CRACD: variants seen among roughly 807,000 people sequenced by gnomAD.
The protein encoded by CRACD is capping protein inhibiting regulator of actin dynamics.
CRACD carries 56 observed loss-of-function variants against 106.8 expected under a neutral mutation model. The ratio of observed to expected loss-of-function variants is 0.52; its 90% CI spans 0.42 to 0.66. CRACD has a LOEUF of 0.66. CRACD is among the 30% of genes least tolerant of loss of function. The pLI is 0.00. For synonymous variants in CRACD, 754 were observed against 670.8 expected (o/e 1.12, Z -1.92); for missense variants, 1,730 against 1,623.2 (o/e 1.07, Z -1.13).
At chr4:56,185,027 G>T (rs981078452) in intron 2 of CRACD, among the ~76,000 whole-genome samples, 10 of 152,174 alleles carry the variant, frequency 6.6e-5, no homozygotes, top group Non-Finnish European at 5.9e-5. Flanking sequence ...CGCGATCTCA[G>T]CTCACTGGAA....
At chr4:56,092,824 C>T (rs959725910) in intron 1 of CRACD, among the ~76,000 whole-genome samples, 2 of 152,086 alleles carry the variant, frequency 1.3e-5, no homozygotes, top group Non-Finnish European at 2.9e-5. Flanking sequence ...CTAGGCTCGT[C>T]TCGAACTCCT....
chr4:56,258,144 C>T (rs1046797879), intron 2 of CRACD, among the ~76,000 whole-genome samples: 2 of 151,904 alleles, frequency 1.3e-5, no homozygotes, highest in Non-Finnish European at 2.9e-5. Flanking sequence ...GTTTCATCTG[C>T]ATAAGAAGAA....
chr4:56,238,844 G>T (rs1220374787), intron 2 of CRACD, among the ~76,000 whole-genome samples: 1 of 152,046 alleles, frequency 6.6e-6, no homozygotes, highest in Non-Finnish European at 1.5e-5. Context: ...TGGCCATTTT[G>T]ATTTCTTTTG....
intron 1 of CRACD, among the ~76,000 whole-genome samples, chr4:56,052,180 C>T (rs1030292227): frequency 2.0e-5 from 3 of 152,126 alleles, no homozygotes; most frequent in Non-Finnish European, 2.9e-5. Flanking sequence ...TGAACCACTG[C>T]GCCCAGCCTA....
chr4:56,144,457 G>C (rs1164574542), intron 1 of CRACD, among the ~76,000 whole-genome samples: 4 of 152,086 alleles, frequency 2.6e-5, no homozygotes, highest in African/African-American at 9.7e-5. Flanking sequence ...GTGAGAACGA[G>C]GATAACCGGA....
At chr4:56,175,704 A>T (rs1326603760) in intron 1 of CRACD, among the ~76,000 whole-genome samples, 1 of 152,100 alleles carries the variant, frequency 6.6e-6, no homozygotes, top group African/African-American at 2.4e-5. Flanking sequence ...CGTCAGATGG[A>T]TAGTTTGCAA....
chr4:56,302,879 G>T (rs1186482401), intron 4 of CRACD, among the ~76,000 whole-genome samples: 1 of 152,158 alleles, frequency 6.6e-6, no homozygotes, highest in Admixed American at 6.5e-5. Flanking sequence ...TCATTCTCCA[G>T]CATTCCACAT....
intron 2 of CRACD, among the ~76,000 whole-genome samples, chr4:56,199,708 A>G (rs1737794452): frequency 6.6e-6 from 1 of 151,522 alleles, no homozygotes; most frequent in Non-Finnish European, 1.5e-5. Flanking sequence ...AGAAAAAAAA[A>G]GAAAAAGAGA....
chr4:56,147,050 C>T (rs1386990950), intron 1 of CRACD, among the ~76,000 whole-genome samples: 1 of 152,098 alleles, frequency 6.6e-6, no homozygotes, highest in Non-Finnish European at 1.5e-5. Context: ...AGTAATTGCC[C>T]ATCCGGAGGT....
In CRACD at chr4:56,064,873, C is replaced by T. The variant is rs76908804; in HGVS notation, c.-336+15574C>T. 6.8e-3 allele frequency among the ~76,000 whole-genome samples: 1,039 copies of T among 152,232 alleles called. 9 individuals are homozygous for T. Among genetic ancestry groups the T allele is most frequent in the African/African-American group, 0.024 (990 of 41,516 alleles). ...CACCCACAGCCCCCAAAATACAGTG[C>T]CCTCTTAGTGATCTGTATCTGGACA... On this transcript the variant is annotated intron_variant, in intron 1 of 10. Transcript: ENST00000682029.
chr4:56,286,525 C>CAAAAAAAAAAAAAAAAAAAAAAA (rs61498428), intron 3 of CRACD, among the ~76,000 whole-genome samples: 7 of 89,372 alleles, frequency 7.8e-5, no homozygotes, highest in African/African-American at 2.0e-4. Context: ...GACTCCGTCT[C>CAAAAAAAAAAAAAAAAAAAAAAA]AAAAAAAAAA....
rs997573863 is a variant in CRACD at position 56,263,084 on chromosome 4, C to T, written c.-188-9237C>T. Among the ~76,000 whole-genome samples, 4 of 152,092 alleles carry T rather than the reference C, an allele frequency of 2.6e-5. No individual in the cohort carries two copies. The South Asian group carries it at 8.3e-4, about 32-fold the overall frequency. On this transcript the variant is annotated intron_variant, in intron 2 of 10. Coordinates refer to ENST00000682029, the MANE Select transcript of CRACD (RefSeq NM_001393381.1). ...GAACTTGAAGTCTAGAAGGGGCTACCACACTCTTTGTGCTGTTGTAGTAGA... is the reference window on the plus strand; with the variant it reads ...GAACTTGAAGTCTAGAAGGGGCTACTACACTCTTTGTGCTGTTGTAGTAGA...
At chr4:56,271,071 C>T (rs1290045014) in intron 2 of CRACD, among the ~76,000 whole-genome samples, 2 of 148,812 alleles carry the variant, frequency 1.3e-5, no homozygotes, top group Non-Finnish European at 3.0e-5. Context: ...TGCCATTGCA[C>T]TCCAGCTTGG....
intron 2 of CRACD, among the ~76,000 whole-genome samples, chr4:56,201,681 G>GTT (rs1228676724): frequency 2.6e-5 from 4 of 152,136 alleles, no homozygotes; most frequent in Non-Finnish European, 5.9e-5. Flanking sequence ...CATGGAAACA[G>GTT]TTTTGAAAAT....
At chr4:56,163,663 A>C (rs1736037001) in intron 1 of CRACD, among the ~76,000 whole-genome samples, 1 of 152,182 alleles carries the variant, frequency 6.6e-6, no homozygotes, top group Non-Finnish European at 1.5e-5. Context: ...TAATTCAGGA[A>C]CACTGTGGTA....
At chr4:56,294,905 C>T (rs1743905333) in intron 3 of CRACD, among the ~76,000 whole-genome samples, 1 of 104,734 alleles carries the variant, frequency 9.5e-6, no homozygotes, top group South Asian at 3.2e-4. Flanking sequence ...CAGAGCAAGA[C>T]CTTGTCTCAA....
intron 2 of CRACD, among the ~76,000 whole-genome samples, chr4:56,268,123 T>C (rs907002084): frequency 1.3e-5 from 2 of 152,234 alleles, no homozygotes; most frequent in Non-Finnish European, 2.9e-5. Flanking sequence ...ATCAACCCTC[T>C]TAGCTGACGT....
chr4:56,198,210 A>T (rs1005973121), intron 2 of CRACD, among the ~76,000 whole-genome samples: 10 of 152,210 alleles, frequency 6.6e-5, no homozygotes, highest in African/African-American at 2.4e-4. Flanking sequence ...TACATATAAA[A>T]TGGCGGTACA....
chr4:56,307,539 A>G lies in CRACD; in HGVS notation c.125A>G (p.Gln42Arg). ...CTTTCTTCTGTTTCTCTCCAGCAAC[A>G]GTTGGGCAAGAATATCAAGTTTGGG... is the stretch of plus-strand genomic sequence containing the variant. ...ILGKVKTLQQQLGKNIKFGQR... is the reference protein window; with the variant it reads ...ILGKVKTLQQRLGKNIKFGQR... The change falls in exon 5 of 11, where the codon CAG (glutamine) becomes CGG (arginine). Residue 42 changes from glutamine (Q) to arginine (R), a missense_variant. Gln to Arg is a conservative substitution (Grantham distance 43). Around this residue, in one of 5 missense-constraint regions of CRACD, gnomAD observed 1,620 missense variants for 1,481.6 expected, o/e 1.09. Coordinates refer to ENST00000682029, the MANE Select transcript of CRACD (RefSeq NM_001393381.1). 1 of 1,614,106 alleles carries G rather than the reference A, an allele frequency of 6.2e-7. No individual in the cohort carries two copies. The highest frequency in any genetic ancestry group is 8.5e-7 in the Non-Finnish European group (1 of 1,180,004).
Sources: allele counts gnomAD v4.1 joint callset (sites outside exome capture counted in the v4.1 genomes callset), GRCh38; gene constraint gnomAD v4.1.1; regional missense constraint gnomAD v4.1.1; transcripts MANE v1.5; gene names NCBI Gene and HGNC (gene_info 2026-07-23, HGNC 2026-07-21).